Variants in CNN2 observed in about 807,000 individuals in gnomAD.
The protein encoded by CNN2 is calponin 2.
A neutral mutation model predicts 31.0 loss-of-function variants in CNN2; 21 were observed. The ratio of observed to expected loss-of-function variants is 0.68; its 90% CI spans 0.48 to 0.98. CNN2 has a LOEUF of 0.98. Ranked by LOEUF, CNN2 falls within the 50% of genes least tolerant of loss-of-function variation. CNN2 has a pLI of 0.00. For missense variants in CNN2, 399 were observed against 427.3 expected (o/e 0.93, Z 0.58); for synonymous variants, 165 against 179.6 (o/e 0.92, Z 0.65).
chr19:1,028,702 G>C (rs1000049566), intron 1 of CNN2, among the ~76,000 whole-genome samples: 5 of 152,092 alleles, frequency 3.3e-5, no homozygotes, highest in African/African-American at 4.8e-5. Context: ...CGGGCAGCGG[G>C]GGGGCGGGGG....
intron 6 of CNN2, chr19:1,037,136 G>C: frequency 5.0e-6 from 1 of 200,706 alleles, no homozygotes; most frequent in Non-Finnish European, 1.0e-5. Context: ...AGGGTTACAG[G>C]TGTGAGCCAC....
intron 1 of CNN2, 87 bp downstream of exon 1, chr19:1,026,811 C>T: frequency 7.5e-7 from 1 of 1,332,514 alleles, no homozygotes; most frequent in Non-Finnish European, 1.0e-6. Flanking sequence ...CCCCCGGCAC[C>T]TCCCGGGCAG....
intron 1 of CNN2, among the ~76,000 whole-genome samples, chr19:1,029,220 TA>T (rs1292855812): frequency 1.1e-5 from 1 of 90,654 alleles, no homozygotes; most frequent in Non-Finnish European, 2.0e-5. Flanking sequence ...CAGGGGACCC[TA>T]ACCCAAATCA....
At chr19:1,029,664 CAGGGAG>C (rs1762079328) in intron 1 of CNN2, among the ~76,000 whole-genome samples, 1 of 151,980 alleles carries the variant, frequency 6.6e-6, no homozygotes, top group South Asian at 2.1e-4. Flanking sequence ...GGGTGCAGAG[CAGGGAG>C]AGGGATTTGA....
chr19:1,031,041 A>G, intron 1 of CNN2, 30 bp from the exon 2 acceptor site: 1 of 1,599,918 alleles, frequency 6.3e-7, no homozygotes, highest in South Asian at 1.1e-5. Context: ...CCCCCAGCCC[A>G]GCTCAGTCTC....
In CNN2 at chr19:1,038,313, A is replaced by AT. The variant is rs199509845; in HGVS notation, c.*419dup. On this transcript the variant is annotated 3_prime_UTR_variant, in exon 7 of 7. Transcript: ENST00000263097. ...GGAAGTATTCACAAAAGAAAAATAC[A>AT]TTTTTTCCCCCAGGGGTGGGGCAAG... The AT allele has an allele frequency of 5.5e-3, 907 of 166,000 alleles. 8 individuals are homozygous for AT. Among genetic ancestry groups the AT allele is most frequent in the African/African-American group, 0.02 (847 of 41,796 alleles). 10.3% of individuals were successfully genotyped at this position (166,000 alleles called of 1,614,324 possible).
rs1491218376 is a variant in CNN2 at position 1,031,338 on chromosome 19, TGG to T, written c.185+147_185+148del. The stretch of plus-strand genomic sequence containing the variant: ...CAGCACTTTTGGAGGCCGAGGGTGG[TGG>T]CGGGGGGCGGTGGATCTCGAGGTCA... On this transcript the variant is annotated intron_variant, in intron 2 of 6. Transcript: ENST00000263097. 4.5e-3 allele frequency: 154 copies of T among 34,346 alleles called. 4 individuals carry two copies. The highest frequency in any genetic ancestry group is 8.1e-3 in the Non-Finnish European group (143 of 17,686). The allele number at this position is 34,346 out of a possible 1,614,324, so 2.1% of individuals were successfully genotyped here. A position where few individuals can be genotyped will look rare whatever the true frequency, so the allele number is the denominator to read the frequency against.
At chr19:1,032,283 GA>G in intron 2 of CNN2, 108 bp from the exon 3 acceptor site, 1 of 1,279,362 alleles carries the variant, frequency 7.8e-7, no homozygotes, top group Non-Finnish European at 1.1e-6. Context: ...GAGAGGCCGT[GA>G]GTTTGCCCAG....
chr19:1,035,202 G>A (rs534186695), intron 4 of CNN2, among the ~76,000 whole-genome samples: 2,801 of 143,472 alleles, frequency 0.02, 16 homozygotes, highest in Non-Finnish European at 0.028. Flanking sequence ...GTGGGACACG[G>A]TGTCTGGTGT....
chr19:1,036,275 A>G (rs899529062), intron 5 of CNN2, 29 bp downstream of exon 5: 1 of 1,569,034 alleles, frequency 6.4e-7, no homozygotes, highest in Non-Finnish European at 8.7e-7. Flanking sequence ...AGCCCCAGGG[A>G]CCACGGCATT....
Position 1,037,913 on chromosome 19 carries a change from G to A in CNN2, c.*13G>A, listed in dbSNP as rs1568182140. ...GGCCGGCTACTGAGGCTCCCAGCACGCTCTCTCCCCACATCGTCTGCCCAT... is the reference window on the plus strand; with the variant it reads ...GGCCGGCTACTGAGGCTCCCAGCACACTCTCTCCCCACATCGTCTGCCCAT... On this transcript the variant is annotated 3_prime_UTR_variant, in exon 7 of 7. Coordinates refer to ENST00000263097, the MANE Select transcript of CNN2 (RefSeq NM_004368.4). 7.1e-6 allele frequency: 11 copies of A among 1,554,854 alleles called. No homozygotes were observed. In the South Asian group the frequency reaches 9.4e-5, roughly 13 times the overall value.
Position 1,026,614 on chromosome 19 carries a change from G to A in CNN2, c.-48G>A. 6.9e-7 allele frequency: 1 copy of A among 1,456,726 alleles called. No homozygotes were observed. The highest frequency in any genetic ancestry group is 9.1e-7 in the Non-Finnish European group (1 of 1,093,406). The allele number at this position is 1,456,726 out of a possible 1,614,324, so 90.2% of individuals were successfully genotyped here. A position where few individuals can be genotyped will look rare whatever the true frequency, so the allele number is the denominator to read the frequency against. ...AACCCCGCGCCAGCCCGGCGGTCCC[G>A]TCCCGTCCCGTCCTGTGCGGCCCCG... On this transcript the variant is annotated 5_prime_UTR_variant, in exon 1 of 7. Coordinates refer to ENST00000263097, the MANE Select transcript of CNN2 (RefSeq NM_004368.4).
chr19:1,037,801 C>T lies in CNN2; in HGVS notation c.831C>T (p.Gly277=), dbSNP rs1179314923. The change falls in exon 7 of 7, where the codon GGC becomes GGT. Residue 277 remains glycine (G), a synonymous_variant. Transcript: ENST00000263097. Reference sequence around the variant, plus strand: ...ATGACCCCAAGTACTGCCCGCAAGGCACAGTGGCCGATGGGGCTCCCTCGG... The same window carrying T: ...ATGACCCCAAGTACTGCCCGCAAGGTACAGTGGCCGATGGGGCTCCCTCGG... ...QIYDPKYCPQ[G]TVADGAPSGT... 1.2e-6 allele frequency: 2 copies of T among 1,610,822 alleles called. No homozygotes were observed. The highest frequency in any genetic ancestry group is 1.1e-5 in the South Asian group (1 of 91,000).
intron 1 of CNN2, chr19:1,030,809 A>G (rs1487072707): frequency 3.0e-6 from 1 of 336,806 alleles, no homozygotes; most frequent in African/African-American, 2.1e-5. Flanking sequence ...GGAGTGGATT[A>G]GAGCTGATGT....
chr19:1,035,627 G>A (rs1277935091), intron 4 of CNN2, among the ~76,000 whole-genome samples: 1 of 152,190 alleles, frequency 6.6e-6, no homozygotes, highest in African/African-American at 2.4e-5. Flanking sequence ...ACGCTGGGAT[G>A]AAGCAGCCCC....
chr19:1,037,770 A>T lies in CNN2; in HGVS notation c.800A>T (p.Gln267Leu). 1 of 1,611,660 alleles carries T rather than the reference A, an allele frequency of 6.2e-7. No individual in the cohort carries two copies. Among genetic ancestry groups the T allele is most frequent in the South Asian group, 1.1e-5 (1 of 91,012 alleles). Residue 267 changes from glutamine (Q) to leucine (L), a missense_variant, in exon 7 of 7, where the codon CAG becomes CTG. By Grantham distance (113) the Gln-to-Leu change is moderately radical. Coordinates refer to ENST00000263097, the MANE Select transcript of CNN2 (RefSeq NM_004368.4). The stretch of plus-strand genomic sequence containing the variant: ...GGCCAGGTCTTCGGCCTGGGCCGGC[A>T]GATATATGACCCCAAGTACTGCCCG... ...QSGQVFGLGR[Q>L]IYDPKYCPQG...
intron 1 of CNN2, chr19:1,030,819 T>G: frequency 2.7e-6 from 1 of 365,856 alleles, no homozygotes; most frequent in Non-Finnish European, 5.1e-6. Flanking sequence ...AGAGCTGATG[T>G]TTATCAGTGA....
Position 1,038,010 on chromosome 19 carries a change from A to G in CNN2, c.*110A>G. ...TTAACCCGTTCAGTGCTGCCAGTCA[A>G]CCAAGGGTCTGTGAGTGTCAGCGTG... On this transcript the variant is annotated 3_prime_UTR_variant, in exon 7 of 7. Coordinates refer to ENST00000263097, the MANE Select transcript of CNN2 (RefSeq NM_004368.4). 8.8e-7 allele frequency: 1 copy of G among 1,140,004 alleles called. No homozygotes were observed. The highest frequency in any genetic ancestry group is 1.2e-6 in the Non-Finnish European group (1 of 815,282). 70.6% of individuals were successfully genotyped at this position (1,140,004 alleles called of 1,614,324 possible).
At chr19:1,026,753 G>A (rs1437088101) in intron 1 of CNN2, 29 bp downstream of exon 1, 46 of 1,544,016 alleles carry the variant, frequency 3.0e-5, no homozygotes, top group Non-Finnish European at 3.9e-5. Flanking sequence ...TTGTCCCCCC[G>A]ACAGCGCGGC....
Sources: gnomAD v4.1 joint callset for allele counts (sites outside exome capture counted in the v4.1 genomes callset) on GRCh38, gnomAD v4.1.1 for gene constraint, MANE v1.5 for transcripts, NCBI Gene and HGNC (gene_info 2026-07-23, HGNC 2026-07-21) for gene names.